APEH: variants seen among roughly 807,000 people sequenced by gnomAD.
The protein encoded by APEH is acylaminoacyl-peptide hydrolase.
APEH carries 75 observed loss-of-function variants against 102.7 expected under a neutral mutation model. That is an observed-to-expected ratio of 0.73 (90% CI 0.61 to 0.89). The LOEUF (loss-of-function observed/expected upper bound fraction) is 0.89, where lower values mean the gene tolerates loss of function less well. Among genes scored for constraint, APEH ranks in the 40% least tolerant of loss-of-function variants. APEH has a pLI of 0.00. For missense variants in APEH, 863 were observed against 941.2 expected, an observed-to-expected ratio of 0.92 and a Z score of 1.09; for synonymous variants, 344 against 362.7, an observed-to-expected ratio of 0.95 and a Z score of 0.59.
chr3:49,679,665 G>C lies in APEH; in HGVS notation c.1210+21G>C. ...AGCTGGTGAGCAAGGCTTTGGGGAT[G>C]GGGGTAAGGGCAGGGCTGGTGAGCA... On this transcript the variant is annotated intron_variant, in intron 13 of 21. Coordinates refer to ENST00000296456, the MANE Select transcript of APEH (RefSeq NM_001640.4). This position sits in a 1 kb window ranked among gnomAD's most constrained non-coding sequence, Gnocchi z 4.3. 6.2e-7 allele frequency: 1 copy of C among 1,612,584 alleles called. No homozygotes were observed. Among genetic ancestry groups the C allele is most frequent in the Non-Finnish European group, 8.5e-7 (1 of 1,178,844 alleles).
At position 49,678,954 on chromosome 3, in the gene APEH, G is replaced by C. The variant is rs1352028652; in HGVS notation, c.1158+5G>C. 1.2e-6 allele frequency: 2 copies of C among 1,612,244 alleles called. No individual in the cohort carries two copies. The highest frequency in any genetic ancestry group is 8.5e-7 in the Non-Finnish European group (1 of 1,179,040). ...TCGGCTCAGCGCAGCCGGCAGGTGA[G>C]GGACGCTGATTGTGTTGAGGGGCAG... On this transcript the variant is annotated splice_donor_5th_base_variant and intron_variant, in intron 12 of 21. Transcript: ENST00000296456.
Position 49,677,589 on chromosome 3 carries a change from A to G in APEH, c.1016A>G (p.Lys339Arg), listed in dbSNP as rs1367670725. ...CTCTTGCAGTATGACTGGTATACCA[A>G]GGTTACCTCAGTGGTGGTAGATGTT... ...SQLCLYDWYT[K>R]VTSVVVDVVP... The change falls in exon 11 of 22, where the codon AAG becomes AGG. Residue 339 changes from lysine (K) to arginine (R), a missense_variant. Lys to Arg is a conservative substitution (Grantham distance 26). Coordinates refer to ENST00000296456, the MANE Select transcript of APEH (RefSeq NM_001640.4). 6.2e-7 allele frequency: 1 copy of G among 1,613,924 alleles called. No individual in the cohort carries two copies.
rs2052977734 is a variant in APEH at position 49,675,308 on chromosome 3, G to C, written c.271G>C (p.Glu91Gln). Residue 91 changes from glutamate to glutamine, a missense_variant and splice_region_variant, in exon 3 of 22, where the codon GAA (glutamate) becomes CAA (glutamine). Physicochemically the swap from Glu to Gln is conservative, Grantham distance 29. Transcript: ENST00000296456. ...PAGNSVETRG[E>Q]LLSRESPSGT... ...AGGCAACAGTGTGGAGACCCGGGGG[G>C]AGTAAGTTTGAGGGAGGAAGCTTGT... 1 of 1,613,640 alleles carries C rather than the reference G, an allele frequency of 6.2e-7. No homozygotes were observed. The highest frequency in any genetic ancestry group is 2.2e-5 in the East Asian group (1 of 44,882).
rs954019900 is a variant in APEH, at chr3:49,679,824, C to T, written c.1210+180C>T. ...AGGCCCCTGTCTGTGCAGACCCTTA[C>T]CCAACCAACAGACTAGCTTCCCTGC... On this transcript the variant is annotated intron_variant, in intron 13 of 21. Coordinates refer to ENST00000296456, the MANE Select transcript of APEH (RefSeq NM_001640.4). The surrounding 1 kb of genome is among the most constrained non-coding windows in gnomAD (Gnocchi z 4.3). 13 of 606,218 alleles carry T rather than the reference C, an allele frequency of 2.1e-5. No individual in the cohort carries two copies. The African/African-American group carries it at 2.2e-4, about 10-fold the overall frequency. 37.6% of individuals were successfully genotyped at this position (606,218 alleles called of 1,614,324 possible).
At chr3:49,680,299 A>C (rs1224799271) in intron 13 of APEH, 3 of 492,818 alleles carry the variant, frequency 6.1e-6, no homozygotes, top group African/African-American at 5.9e-5. Flanking sequence ...ATGTGCCTGC[A>C]TGGTCTGATG....
upstream of APEH, among the ~76,000 whole-genome samples, chr3:49,673,801 C>CCTCACGCTCACCCTCACG (rs2052882317): frequency 6.9e-6 from 1 of 145,580 alleles, no homozygotes; most frequent in Non-Finnish European, 1.5e-5. Flanking sequence ...CAACCCTCAC[C>CCTCACGCTCACCCTCACG]CTCACGCTCA....
upstream of APEH, chr3:49,674,316 C>T: frequency 1.3e-6 from 2 of 1,488,448 alleles, no homozygotes; most frequent in South Asian, 1.2e-5. Flanking sequence ...GCGGAGACAG[C>T]CCGGGCCGTC....
Position 49,674,549 on chromosome 3 carries a change from G to C in APEH, c.73G>C (p.Ala25Pro). ...ALYRGLSRQP[A>P]LSAACLGPEV... ...GTATCGGGGCCTTAGCCGCCAGCCC[G>C]CGCTGAGCGCCGCCTGCCTGGGCCC... The change falls in exon 2 of 22, where the codon GCG (alanine) becomes CCG (proline). Residue 25 changes from alanine (A) to proline (P), a missense_variant. By Grantham distance (27) the Ala-to-Pro change is conservative. Coordinates refer to ENST00000296456, the MANE Select transcript of APEH (RefSeq NM_001640.4). 1 of 1,565,458 alleles carries C rather than the reference G, an allele frequency of 6.4e-7. No homozygotes were observed. The highest frequency in any genetic ancestry group is 1.3e-5 in the African/African-American group (1 of 74,728).
chr3:49,679,454 G>A lies in APEH; in HGVS notation c.1159-139G>A. ...CTCACACTACTCCCTACTGCACTGA[G>A]TAACCATCACCATAGCTGTCCACAG... is the stretch of plus-strand genomic sequence containing the variant. On this transcript the variant is annotated intron_variant, in intron 12 of 21. Transcript: ENST00000296456. This position sits in a 1 kb window ranked among gnomAD's most constrained non-coding sequence, Gnocchi z 4.3. 1 of 847,292 alleles carries A rather than the reference G, an allele frequency of 1.2e-6. No individual in the cohort carries two copies. Among genetic ancestry groups the A allele is most frequent in the Non-Finnish European group, 1.9e-6 (1 of 514,120 alleles). 52.5% of individuals were successfully genotyped at this position (847,292 alleles called of 1,614,324 possible).
Position 49,683,131 on chromosome 3 carries a change from G to A in APEH, c.2078G>A (p.Arg693Gln), listed in dbSNP as rs758684307. The change falls in exon 21 of 22, where the codon CGG (arginine) becomes CAG (glutamine). Residue 693 changes from arginine (R) to glutamine (Q), a missense_variant. Arg to Gln is a conservative substitution (Grantham distance 43). Coordinates refer to ENST00000296456, the MANE Select transcript of APEH (RefSeq NM_001640.4). ...GMEYYRALKT[R>Q]NVPVRLLLYP... ...GAGTATTACCGTGCCCTCAAGACCC[G>A]GAATGTGCCTGTTCGGTGAGTGCAG... The A allele has an allele frequency of 1.9e-5, 31 of 1,614,098 alleles. No homozygotes were observed. Among genetic ancestry groups the A allele is most frequent in the Admixed American group, 1.8e-4 (11 of 60,022 alleles).
chr3:49,674,087 C>G (rs2052895603), upstream of APEH: 1 of 472,288 alleles, frequency 2.1e-6, no homozygotes, highest in Non-Finnish European at 3.7e-6. Context: ...CCCTCTCCTC[C>G]GAGATCCAAC....
In APEH at chr3:49,675,303, G is replaced by A. The variant is rs746217177; in HGVS notation, c.266G>A (p.Arg89Gln). 31 of 1,613,294 alleles carry A rather than the reference G, an allele frequency of 1.9e-5. No homozygotes were observed. The highest frequency in any genetic ancestry group is 4.5e-5 in the East Asian group (2 of 44,860). Reference protein sequence around the residue: ...AGPAGNSVETRGELLSRESPS... With the variant: ...AGPAGNSVETQGELLSRESPS... Reference sequence around the variant, plus strand: ...CCTGCAGGCAACAGTGTGGAGACCCGGGGGGAGTAAGTTTGAGGGAGGAAG... The same window carrying A: ...CCTGCAGGCAACAGTGTGGAGACCCAGGGGGAGTAAGTTTGAGGGAGGAAG... The change falls in exon 3 of 22, where the codon CGG becomes CAG. Residue 89 changes from arginine to glutamine, a missense_variant. Arg to Gln is a conservative substitution (Grantham distance 43). Transcript: ENST00000296456.
In APEH at chr3:49,683,119, C is replaced by G; in HGVS notation, c.2066C>G (p.Ala689Gly). Reference protein sequence around the residue: ...PFKQGMEYYRALKTRNVPVRL... With the variant: ...PFKQGMEYYRGLKTRNVPVRL... Reference sequence around the variant, plus strand: ...AAGCAGGGCATGGAGTATTACCGTGCCCTCAAGACCCGGAATGTGCCTGTT... The same window carrying G: ...AAGCAGGGCATGGAGTATTACCGTGGCCTCAAGACCCGGAATGTGCCTGTT... Residue 689 changes from alanine (A) to glycine (G), a missense_variant, in exon 21 of 22, where the codon GCC becomes GGC. Coordinates refer to ENST00000296456, the MANE Select transcript of APEH (RefSeq NM_001640.4). 2 of 1,614,106 alleles carry G rather than the reference C, an allele frequency of 1.2e-6. No homozygotes were observed. Among genetic ancestry groups the G allele is most frequent in the Non-Finnish European group, 1.7e-6 (2 of 1,180,030 alleles).
At chr3:49,674,449 A>C in intron 1 of APEH, 36 bp downstream of exon 1, 1 of 1,570,896 alleles carries the variant, frequency 6.4e-7, no homozygotes, top group Middle Eastern at 1.8e-4. Flanking sequence ...TGGTCCCTGC[A>C]GCCCGGGCCG....
chr3:49,682,578 C>CT lies in APEH; in HGVS notation c.1728dup (p.Asp577Ter). 1 of 1,614,170 alleles carries CT rather than the reference C, an allele frequency of 6.2e-7. No homozygotes were observed. On this transcript the variant is annotated frameshift_variant, in exon 19 of 22. Coordinates refer to ENST00000296456, the MANE Select transcript of APEH (RefSeq NM_001640.4). LOFTEE classifies it high-confidence loss of function. ...TGGAACAGGTGCTCCAGGAGGAACA[C>CT]TTTGATGCAAGCCATGTGGCCCTTA...
At chr3:49,674,278 GC>G, upstream of APEH, 1 of 1,282,670 alleles carries the variant, frequency 7.8e-7, no homozygotes, top group South Asian at 1.4e-5. Flanking sequence ...CGAAGGCCCC[GC>G]CCCTCACAGA....
Position 49,679,745 on chromosome 3 carries a change from T to C in APEH, c.1210+101T>C, listed in dbSNP as rs1297559379. ...CCAACATGTGGGGCAGTGATGGCAT[T>C]CTCAGCCACTCAGCACCACTGACTG... On this transcript the variant is annotated intron_variant, in intron 13 of 21. Coordinates refer to ENST00000296456, the MANE Select transcript of APEH (RefSeq NM_001640.4). The surrounding 1 kb of genome is among the most constrained non-coding windows in gnomAD (Gnocchi z 4.3). The C allele has an allele frequency of 8.2e-7, 1 of 1,226,084 alleles. No homozygotes were observed. The highest frequency in any genetic ancestry group is 1.2e-6 in the Non-Finnish European group (1 of 842,864). The allele number at this position is 1,226,084 out of a possible 1,614,324, so 76.0% of individuals were successfully genotyped here.
chr3:49,683,414 G>C lies in APEH; in HGVS notation c.*72G>C. 2 of 1,390,910 alleles carry C rather than the reference G, an allele frequency of 1.4e-6. No homozygotes were observed. The highest frequency in any genetic ancestry group is 3.4e-5 in the Admixed American group (2 of 59,484). 86.2% of individuals were successfully genotyped at this position (1,390,910 alleles called of 1,614,324 possible). On this transcript the variant is annotated 3_prime_UTR_variant, in exon 22 of 22. Transcript: ENST00000296456. Reference sequence around the variant, plus strand: ...TCTTGAGGAGCTCAACGGTCTGGCAGGGCAGCAGGAGGCTTTCTGGGCTCT... The same window carrying C: ...TCTTGAGGAGCTCAACGGTCTGGCACGGCAGCAGGAGGCTTTCTGGGCTCT...
chr3:49,675,923 CA>C lies in APEH; in HGVS notation c.401del (p.Asn134ThrfsTer58). On this transcript the variant is annotated frameshift_variant, in exon 5 of 22. Coordinates refer to ENST00000296456, the MANE Select transcript of APEH (RefSeq NM_001640.4). LOFTEE classifies it high-confidence loss of function. ...AGAAGAACCGGAAGCTCAAGAGCTT[CA>C]ACCTGTCAGCGCTGGAGAAACATGG... ...WEKNRKLKSF[N>X]LSALEKHGPV... is the part of the protein sequence containing the mutation. 1 of 1,614,172 alleles carries C rather than the reference CA, an allele frequency of 6.2e-7. No homozygotes were observed. The highest frequency in any genetic ancestry group is 8.5e-7 in the Non-Finnish European group (1 of 1,180,024).
Sources: allele counts gnomAD v4.1 joint callset (sites outside exome capture counted in the v4.1 genomes callset), GRCh38; gene constraint gnomAD v4.1.1; non-coding constraint Gnocchi (gnomAD v3.1); transcripts MANE v1.5; gene names NCBI Gene and HGNC (gene_info 2026-07-23, HGNC 2026-07-21).